TPX2: variants seen among roughly 807,000 people sequenced by gnomAD.
TPX2 encodes TPX2 microtubule nucleation factor, also known as targeting protein for Xklp2.
A neutral mutation model predicts 93.6 loss-of-function variants in TPX2; 21 were observed. The ratio of observed to expected loss-of-function variants is 0.22; its 90% confidence interval spans 0.16 to 0.32. TPX2 has a LOEUF of 0.32. Among genes scored for constraint, TPX2 ranks in the 10% least tolerant of loss-of-function variants. The probability of loss-of-function intolerance (pLI) is 1.00; values close to 1 mark genes in which losing one functional copy is unlikely to be tolerated. For missense variants in TPX2, 776 were observed against 871.1 expected (o/e 0.89, Z 1.37); for synonymous variants, 281 against 298.3 (o/e 0.94, Z 0.60).
chr20:31,791,122 G>A (rs1265006040), intron 12 of TPX2, among the ~76,000 whole-genome samples: 1 of 152,058 alleles, frequency 6.6e-6, no homozygotes, highest in Non-Finnish European at 1.5e-5. Flanking sequence ...TGTAAGGAGG[G>A]GTGAGAGGTA....
At chr20:31,792,938 G>C in intron 13 of TPX2, 108 bp downstream of exon 13, 1 of 1,011,904 alleles carries the variant, frequency 9.9e-7, no homozygotes, top group Non-Finnish European at 1.5e-6. Context: ...ACTCTTTTTT[G>C]GACTTGTCTT....
At chr20:31,764,615 T>A (rs1403181105) in intron 4 of TPX2, among the ~76,000 whole-genome samples, 1 of 152,244 alleles carries the variant, frequency 6.6e-6, no homozygotes, top group Non-Finnish European at 1.5e-5. Flanking sequence ...CATTTTTTTG[T>A]AGACAGCATA....
At chr20:31,772,632 T>TA (rs1347793394) in intron 7 of TPX2, among the ~76,000 whole-genome samples, 1 of 152,254 alleles carries the variant, frequency 6.6e-6, no homozygotes, top group African/African-American at 2.4e-5. Flanking sequence ...CACAATCAGT[T>TA]AATACAAAAC....
At chr20:31,744,955 C>T (rs995207545) in intron 2 of TPX2, among the ~76,000 whole-genome samples, 3 of 152,100 alleles carry the variant, frequency 2.0e-5, no homozygotes, top group South Asian at 2.1e-4. Flanking sequence ...GGCATGATGA[C>T]GGGTGCCTGT....
At chr20:31,794,784 G>GTGTGTA (rs1225468073) in intron 15 of TPX2, among the ~76,000 whole-genome samples, 2 of 151,586 alleles carry the variant, frequency 1.3e-5, no homozygotes, top group Non-Finnish European at 2.9e-5. Context: ...GTGTGTGTGT[G>GTGTGTA]TGTGTGTATG....
At chr20:31,743,463 A>T (rs1241891114) in intron 2 of TPX2, among the ~76,000 whole-genome samples, 1 of 152,090 alleles carries the variant, frequency 6.6e-6, no homozygotes, top group East Asian at 1.9e-4. Context: ...AAATAGGAGG[A>T]TTGCTTGAGG....
intron 2 of TPX2, 109 bp from the exon 3 acceptor site, chr20:31,757,298 G>T (rs1459373141): frequency 3.4e-5 from 20 of 587,970 alleles, no homozygotes; most frequent in Non-Finnish European, 5.1e-5. Flanking sequence ...ACAAAGTAAG[G>T]CTATTTTCAG....
At chr20:31,765,215 T>A (rs2061917039) in intron 4 of TPX2, among the ~76,000 whole-genome samples, 1 of 150,168 alleles carries the variant, frequency 6.7e-6, no homozygotes, top group South Asian at 2.1e-4. Flanking sequence ...CCCAGTACTT[T>A]GGGAGGCCAA....
intron 4 of TPX2, among the ~76,000 whole-genome samples, chr20:31,766,150 A>G (rs1185863832): frequency 6.6e-6 from 1 of 152,170 alleles, no homozygotes; most frequent in African/African-American, 2.4e-5. Context: ...CACTACTCTA[A>G]AGACATTGTT....
At chr20:31,775,154 TC>T (rs1428834684) in intron 7 of TPX2, among the ~76,000 whole-genome samples, 1 of 152,062 alleles carries the variant, frequency 6.6e-6, no homozygotes, top group Non-Finnish European at 1.5e-5. Context: ...AGATGGGGTT[TC>T]ACCATGTTGG....
chr20:31,773,096 C>T (rs1403007206), intron 7 of TPX2, among the ~76,000 whole-genome samples: 1 of 150,020 alleles, frequency 6.7e-6, no homozygotes, highest in African/African-American at 2.5e-5. Context: ...CCTACCTCAG[C>T]CTCCTGAGTA....
intron 2 of TPX2, among the ~76,000 whole-genome samples, chr20:31,746,797 G>A (rs1226044955): frequency 6.6e-6 from 1 of 152,212 alleles, no homozygotes; most frequent in Non-Finnish European, 1.5e-5. Context: ...GAGGCAATGG[G>A]AGGTTAATTT....
At chr20:31,764,200 C>T (rs1190436162) in intron 4 of TPX2, among the ~76,000 whole-genome samples, 1 of 151,730 alleles carries the variant, frequency 6.6e-6, no homozygotes, top group Non-Finnish European at 1.5e-5. Context: ...GACAGGGTCT[C>T]ACTCTGTCAC....
At chr20:31,773,140 C>G (rs2123031687) in intron 7 of TPX2, among the ~76,000 whole-genome samples, 1 of 142,572 alleles carries the variant, frequency 7.0e-6, no homozygotes, top group African/African-American at 2.7e-5. Context: ...CCACACCCGG[C>G]TAATTTTTTT....
At chr20:31,767,628 T>G (rs578021356) in intron 5 of TPX2, among the ~76,000 whole-genome samples, 1 of 152,216 alleles carries the variant, frequency 6.6e-6, no homozygotes, top group South Asian at 2.1e-4. Context: ...CATGGCTCAC[T>G]GTAGCCACAA....
chr20:31,759,944 C>A, intron 3 of TPX2, 113 bp from the exon 4 acceptor site: 1 of 1,412,486 alleles, frequency 7.1e-7, no homozygotes, highest in Non-Finnish European at 9.5e-7. Context: ...TTGTACTTGC[C>A]ACATGAGTTG....
chr20:31,744,193 ACT>A (rs1384896581), intron 2 of TPX2, among the ~76,000 whole-genome samples: 2 of 114,528 alleles, frequency 1.7e-5, no homozygotes, highest in Admixed American at 2.3e-4. Context: ...TCGGAGTCTC[ACT>A]CTGTCGCCCG....
At chr20:31,751,887 C>T (rs943751941) in intron 2 of TPX2, among the ~76,000 whole-genome samples, 4 of 152,138 alleles carry the variant, frequency 2.6e-5, no homozygotes, top group African/African-American at 7.2e-5. Flanking sequence ...GGATTACAGG[C>T]ACCTGCCACC....
chr20:31,782,313 A>C lies in TPX2; in HGVS notation c.1119A>C (p.Gln373His). Residue 373 changes from glutamine to histidine, a missense_variant, in exon 11 of 18, where the codon CAA (glutamine) becomes CAC (histidine). Gln to His is a conservative substitution (Grantham distance 24, BLOSUM62 0). This residue lies in a region of TPX2 where 461 missense variants were observed against 551.2 expected (regional missense o/e 0.84). Coordinates refer to ENST00000300403, the MANE Select transcript of TPX2 (RefSeq NM_012112.5). ...GAGACCCACAGACTCCTGTACTGCA[A>C]ACCAAACACCGTGCACGGGCTGTGA... ...ICRDPQTPVL[Q>H]TKHRARAVTC... is the part of the protein sequence containing the mutation. 1 of 1,614,002 alleles carries C rather than the reference A, an allele frequency of 6.2e-7. No individual in the cohort carries two copies. The highest frequency in any genetic ancestry group is 8.5e-7 in the Non-Finnish European group (1 of 1,179,962).
Sources: gnomAD v4.1 joint callset for allele counts (sites outside exome capture counted in the v4.1 genomes callset) on GRCh38, gnomAD v4.1.1 for gene constraint, gnomAD v4.1.1 regional missense constraint, MANE v1.5 for transcripts, NCBI Gene and HGNC (gene_info 2026-07-23, HGNC 2026-07-21) for gene names.